Variants in THADA observed in about 807,000 individuals in gnomAD.
THADA encodes the protein THADA armadillo repeat containing.
THADA carries 213 observed loss-of-function variants against 219.8 expected under a neutral mutation model. That is an observed-to-expected ratio of 0.97 (90% confidence interval 0.87 to 1.09). The LOEUF (loss-of-function observed/expected upper bound fraction) is 1.09, where lower values mean the gene tolerates loss of function less well. Ranked by LOEUF, THADA falls within the 50% of genes least tolerant of loss-of-function variation. THADA has a pLI of 0.00. For synonymous variants in THADA, 1,018 were observed against 828.9 expected, an observed-to-expected ratio of 1.23 and a Z score of -3.92; for missense variants, 2,956 against 2,311.3, an observed-to-expected ratio of 1.28 and a Z score of -5.72.
chr2:43,322,674 CTTTTTTTTTTTTTTTTTT>C lies in THADA; in HGVS notation c.4344-2152_4344-2135del, dbSNP rs34557514. Among the ~76,000 whole-genome samples the C allele has an allele frequency of 1.8e-4, 10 of 54,826 alleles. No individual in the cohort carries two copies. The East Asian group carries it at 3.8e-3, about 21-fold the overall frequency. The allele number at this position is 54,826 out of a possible 152,430, so 36.0% of individuals were successfully genotyped here. ...CATATCCTTCCAAGCACATTCTATTCTTTTTTTTTTTTTTTTTTTTTTTTTTTTTGAGACGGAGTCTCT... is the reference window on the plus strand; with the variant it reads ...CATATCCTTCCAAGCACATTCTATTCTTTTTTTTTTTGAGACGGAGTCTCT... On this transcript the variant is annotated intron_variant, in intron 30 of 37. Transcript: ENST00000405975.
At chr2:43,399,443 CA>C (rs1674505729) in intron 28 of THADA, among the ~76,000 whole-genome samples, 1 of 152,188 alleles carries the variant, frequency 6.6e-6, no homozygotes, top group African/African-American at 2.4e-5. Context: ...TTATCACCAA[CA>C]TTTATTCTAA....
rs200036949 is a variant in THADA, at chr2:43,245,172, C to CTTTTTTTTTTTTTTTTTTTTTTT, written c.5297-12291_5297-12290insAAAAAAAAAAAAAAAAAAAAAAA. ...TACTGGAGCTTCTTTCTTTCTTCTTCTTTTTTTTTTTTTTTTTTGAGACGG... is the reference window on the plus strand; with the variant it reads ...TACTGGAGCTTCTTTCTTTCTTCTTCTTTTTTTTTTTTTTTTTTTTTTTTTTTTTTTTTTTTTTTTTGAGACGG... On this transcript the variant is annotated intron_variant, in intron 36 of 37. Transcript: ENST00000405975. Among the ~76,000 whole-genome samples the CTTTTTTTTTTTTTTTTTTTTTTT allele has an allele frequency of 6.1e-4, 63 of 103,088 alleles. 10 individuals carry two copies. Among genetic ancestry groups the CTTTTTTTTTTTTTTTTTTTTTTT allele is most frequent in the African/African-American group, 1.3e-3 (26 of 20,014 alleles). The allele number at this position is 103,088 out of a possible 152,430, so 67.6% of individuals were successfully genotyped here. A position where few individuals can be genotyped will look rare whatever the true frequency, so the allele number is the denominator to read the frequency against.
intron 36 of THADA, among the ~76,000 whole-genome samples, chr2:43,261,906 G>C (rs1439486907): frequency 3.3e-5 from 5 of 152,098 alleles, no homozygotes; most frequent in African/African-American, 1.2e-4. Context: ...CAAAGTGCTA[G>C]GATTACAGGC....
At chr2:43,314,861 G>T (rs1045368991) in intron 31 of THADA, among the ~76,000 whole-genome samples, 4 of 152,230 alleles carry the variant, frequency 2.6e-5, no homozygotes, top group Non-Finnish European at 5.9e-5. Context: ...AAAACCCCCA[G>T]ATTTGAAAAT....
chr2:43,259,544 C>T (rs1251450301), intron 36 of THADA, among the ~76,000 whole-genome samples: 1 of 152,200 alleles, frequency 6.6e-6, no homozygotes, highest in Non-Finnish European at 1.5e-5. Context: ...AAAAAGATTA[C>T]AGAGTTATAG....
chr2:43,306,034 C>T (rs371779290), intron 31 of THADA, among the ~76,000 whole-genome samples: 1 of 150,566 alleles, frequency 6.6e-6, no homozygotes, highest in Non-Finnish European at 1.5e-5. Flanking sequence ...GTTACCACGC[C>T]GGAGTGCAGT....
chr2:43,243,231 T>G (rs978443159), intron 36 of THADA, among the ~76,000 whole-genome samples: 33 of 152,164 alleles, frequency 2.2e-4, no homozygotes, highest in African/African-American at 8.0e-4. Context: ...ACATCATGAC[T>G]GCTTCCCTTC....
At chr2:43,459,402 C>A (rs1462154654) in intron 26 of THADA, among the ~76,000 whole-genome samples, 1 of 151,958 alleles carries the variant, frequency 6.6e-6, no homozygotes, top group Non-Finnish European at 1.5e-5. Flanking sequence ...TTGTTGTAGA[C>A]CTTCTTTCAT....
intron 29 of THADA, among the ~76,000 whole-genome samples, chr2:43,353,206 G>A (rs904770732): frequency 2.0e-5 from 3 of 152,184 alleles, no homozygotes; most frequent in Admixed American, 6.5e-5. Context: ...AGCAGGATTT[G>A]CTGGGTCTTA....
chr2:43,509,523 GA>G (rs1690120741), intron 22 of THADA, among the ~76,000 whole-genome samples: 1 of 152,112 alleles, frequency 6.6e-6, no homozygotes, highest in Non-Finnish European at 1.5e-5. Flanking sequence ...ATTAATATAT[GA>G]AAATTTACAG....
At chr2:43,234,029 C>T (rs943901760) in intron 36 of THADA, among the ~76,000 whole-genome samples, 1 of 152,214 alleles carries the variant, frequency 6.6e-6, no homozygotes, top group Non-Finnish European at 1.5e-5. Context: ...GAATCTGCAA[C>T]AGCAGGCTTA....
At chr2:43,259,371 C>T (rs149663262) in intron 36 of THADA, among the ~76,000 whole-genome samples, 1 of 152,352 alleles carries the variant, frequency 6.6e-6, no homozygotes, top group Non-Finnish European at 1.5e-5. Flanking sequence ...GAATCACAAC[C>T]ATTGGCTACA....
At chr2:43,451,257 G>C (rs1484168512) in intron 26 of THADA, among the ~76,000 whole-genome samples, 1 of 152,114 alleles carries the variant, frequency 6.6e-6, no homozygotes, top group Non-Finnish European at 1.5e-5. Flanking sequence ...GCCACCACGA[G>C]CTCCAGAGGC....
At chr2:43,589,688 G>A (rs1170586020) in intron 4 of THADA, among the ~76,000 whole-genome samples, 1 of 152,158 alleles carries the variant, frequency 6.6e-6, no homozygotes, top group African/African-American at 2.4e-5. Context: ...AGGGGAAAGG[G>A]TGGGAAGGGG....
At chr2:43,306,836 A>G (rs987902010) in intron 31 of THADA, among the ~76,000 whole-genome samples, 1 of 152,200 alleles carries the variant, frequency 6.6e-6, no homozygotes, top group African/African-American at 2.4e-5. Flanking sequence ...TCCACCCTGG[A>G]TGTGATGGCC....
chr2:43,581,648 T>C (rs1023774001), intron 8 of THADA, 93 bp downstream of exon 8: 6 of 1,096,650 alleles, frequency 5.5e-6, no homozygotes, highest in Middle Eastern at 2.9e-4. Flanking sequence ...CTCAGTTAAG[T>C]ATCACATTTC....
chr2:43,570,638 TATA>T, intron 13 of THADA, 128 bp from the exon 14 acceptor site: 2 of 962,038 alleles, frequency 2.1e-6, no homozygotes, highest in East Asian at 2.9e-5. Flanking sequence ...CTTAATATTT[TATA>T]ATGTTTCTTT....
chr2:43,576,939 A>C (rs1327047647), intron 10 of THADA, 83 bp downstream of exon 10: 1 of 1,277,292 alleles, frequency 7.8e-7, no homozygotes, highest in East Asian at 2.5e-5. Context: ...GATTAGAGGC[A>C]CAAGCCACTC....
At chr2:43,592,989 C>T (rs1701742125) in intron 1 of THADA, 1 of 152,048 alleles carries the variant, frequency 6.6e-6, no homozygotes, top group Non-Finnish European at 1.5e-5. Context: ...GCTAAACAAC[C>T]CAACTCAGAG....
Sources: gnomAD v4.1 joint callset for allele counts (sites outside exome capture counted in the v4.1 genomes callset) on GRCh38, gnomAD v4.1.1 for gene constraint, MANE v1.5 for transcripts, NCBI Gene and HGNC (gene_info 2026-07-23, HGNC 2026-07-21) for gene names.